The following COMMD10 variants were observed in gnomAD, a reference collection of about 807,000 sequenced individuals.
The protein encoded by COMMD10 is COMM domain-containing protein 10.
A neutral mutation model predicts 28.9 loss-of-function variants in COMMD10; 33 were observed. The observed-to-expected ratio is 1.14, with a 90% CI of 0.87 to 1.53. The LOEUF (loss-of-function observed/expected upper bound fraction) is 1.53. COMMD10 is among the 40% of genes most tolerant of loss of function. The pLI is 0.00. For synonymous variants in COMMD10, 110 were observed against 81.7 expected (o/e 1.35, Z -1.87); for missense variants, 310 against 233.4 (o/e 1.33, Z -2.14).
At chr5:116,150,010 A>G (rs1351617569) in intron 5 of COMMD10, among the ~76,000 whole-genome samples, 2 of 152,132 alleles carry the variant, frequency 1.3e-5, no homozygotes, top group African/African-American at 4.8e-5. Context: ...TAAGTCTTTA[A>G]TCCATCTTGA....
At chr5:116,121,216 G>A (rs1049058154) in intron 4 of COMMD10, among the ~76,000 whole-genome samples, 1 of 151,708 alleles carries the variant, frequency 6.6e-6, no homozygotes, top group Non-Finnish European at 1.5e-5. Context: ...CCACCTATGA[G>A]TGAGAACATG....
At chr5:116,256,832 C>A (rs1314294225) in intron 5 of COMMD10, among the ~76,000 whole-genome samples, 1 of 151,640 alleles carries the variant, frequency 6.6e-6, no homozygotes, top group African/African-American at 2.4e-5. Flanking sequence ...AAAGGTATCC[C>A]TGTCTCAGCC....
At chr5:116,223,958 A>G (rs947005951) in intron 5 of COMMD10, among the ~76,000 whole-genome samples, 2 of 152,168 alleles carry the variant, frequency 1.3e-5, no homozygotes, top group Non-Finnish European at 2.9e-5. Context: ...AAATTTTTTT[A>G]AAAGTAATGC....
chr5:116,184,216 CTCTCTTTT>C (rs1195172526), intron 5 of COMMD10, among the ~76,000 whole-genome samples: 1 of 122,228 alleles, frequency 8.2e-6, no homozygotes, highest in Non-Finnish European at 2.0e-5. Context: ...TTAGTTCTGT[CTCTCTTTT>C]TTTTTTTAAT....
chr5:116,101,660 T>C lies in COMMD10; in HGVS notation c.399+8960T>C, dbSNP rs551368549. On this transcript the variant is annotated intron_variant, in intron 4 of 6. Transcript: ENST00000274458. ...CAGGCTGGTCTCGAACTCCTGACCT[T>C]GTGATCCGCTTGCCTCAGCCTCCCA... 2.0e-5 allele frequency among the ~76,000 whole-genome samples: 3 copies of C among 152,182 alleles called. No individual in the cohort carries two copies. In the South Asian group the frequency reaches 6.2e-4, roughly 32 times the overall value.
intron 5 of COMMD10, among the ~76,000 whole-genome samples, chr5:116,231,998 AT>A (rs1187437570): frequency 1.1e-4 from 16 of 152,116 alleles, no homozygotes; most frequent in Non-Finnish European, 7.4e-5. Flanking sequence ...GGTCATCTAA[AT>A]TAGTTGTAGT....
chr5:116,146,708 T>C (rs746571087), intron 5 of COMMD10, among the ~76,000 whole-genome samples: 1 of 151,878 alleles, frequency 6.6e-6, no homozygotes, highest in Non-Finnish European at 1.5e-5. Flanking sequence ...TTTTAGTCTT[T>C]TCAGATTTTT....
chr5:116,219,952 TTAAA>T (rs1220498523), intron 5 of COMMD10, among the ~76,000 whole-genome samples: 1 of 152,192 alleles, frequency 6.6e-6, no homozygotes, highest in Non-Finnish European at 1.5e-5. Context: ...TATTAAGGAA[TTAAA>T]TAGTCTCTAC....
chr5:116,249,192 A>C (rs1750042599), intron 5 of COMMD10, among the ~76,000 whole-genome samples: 1 of 151,974 alleles, frequency 6.6e-6, no homozygotes, highest in Non-Finnish European at 1.5e-5. Context: ...CAGATAACAA[A>C]TAATTGCAAA....
intron 5 of COMMD10, among the ~76,000 whole-genome samples, chr5:116,252,119 G>A (rs1261862916): frequency 7.4e-5 from 11 of 148,298 alleles, no homozygotes; most frequent in South Asian, 2.2e-4. Context: ...GTCTGTTCAT[G>A]TCCTTTGCCC....
chr5:116,239,003 C>T (rs910927386), intron 5 of COMMD10, among the ~76,000 whole-genome samples: 3 of 151,854 alleles, frequency 2.0e-5, no homozygotes, highest in Non-Finnish European at 4.4e-5. Context: ...CAGCATGCTG[C>T]ATCAACAAGT....
intron 4 of COMMD10, among the ~76,000 whole-genome samples, chr5:116,115,928 TTA>T: frequency 6.6e-6 from 1 of 152,302 alleles, no homozygotes; most frequent in East Asian, 1.9e-4. Flanking sequence ...TAAAATGCAC[TTA>T]TGGTTTTGTC....
At chr5:116,130,569 A>G (rs1340787340) in intron 4 of COMMD10, among the ~76,000 whole-genome samples, 1 of 151,930 alleles carries the variant, frequency 6.6e-6, no homozygotes, top group Non-Finnish European at 1.5e-5. Context: ...AGTCTTTCAA[A>G]ATTTGATGCA....
chr5:116,218,929 C>G (rs532750592), intron 5 of COMMD10, among the ~76,000 whole-genome samples: 1 of 152,156 alleles, frequency 6.6e-6, no homozygotes, highest in East Asian at 1.9e-4. Flanking sequence ...AGCTGTCACT[C>G]CCAATGTGTC....
chr5:116,100,463 CT>C (rs1750622899), intron 4 of COMMD10, among the ~76,000 whole-genome samples: 3 of 147,258 alleles, frequency 2.0e-5, no homozygotes, highest in Admixed American at 1.3e-4. Context: ...TCATTTAAGT[CT>C]TTAATTCATT....
intron 5 of COMMD10, among the ~76,000 whole-genome samples, chr5:116,140,279 CTA>C (rs1752158711): frequency 7.1e-6 from 1 of 140,538 alleles, no homozygotes; most frequent in African/African-American, 2.9e-5. Flanking sequence ...GTATATATGT[CTA>C]TGCGTATATA....
chr5:116,158,720 A>G (rs1031719949), intron 5 of COMMD10, among the ~76,000 whole-genome samples: 1 of 152,000 alleles, frequency 6.6e-6, no homozygotes, highest in African/African-American at 2.4e-5. Context: ...AAAGTCTCCT[A>G]TTACTGAAAG....
intron 4 of COMMD10, among the ~76,000 whole-genome samples, chr5:116,094,074 A>AGAAAACAG (rs1228561556): frequency 6.6e-6 from 1 of 152,186 alleles, no homozygotes; most frequent in African/African-American, 2.4e-5. Flanking sequence ...AAATACTAGA[A>AGAAAACAG]GAAAACAGGA....
chr5:116,185,683 T>C (rs998724329), intron 5 of COMMD10, among the ~76,000 whole-genome samples: 1 of 152,156 alleles, frequency 6.6e-6, no homozygotes. Flanking sequence ...CTTGACCTCC[T>C]TAGCTCTTGC....
Sources: allele counts gnomAD v4.1 joint callset (sites outside exome capture counted in the v4.1 genomes callset), GRCh38; gene constraint gnomAD v4.1.1; transcripts MANE v1.5; gene names NCBI Gene and HGNC (gene_info 2026-07-23, HGNC 2026-07-21).